NRROS: variants seen among roughly 807,000 people sequenced by gnomAD.
The protein encoded by NRROS is negative regulator of reactive oxygen species.
NRROS carries 6 observed loss-of-function variants against 12.0 expected under a neutral mutation model. That is an observed-to-expected ratio of 0.50 (90% CI 0.27 to 0.98). NRROS has a LOEUF of 0.98. NRROS is among the 50% of genes least tolerant of loss of function. The pLI, the probability that NRROS is intolerant of heterozygous loss-of-function variation, is 0.11. For missense variants in NRROS, 857 were observed against 888.2 expected (o/e 0.96, Z 0.45); for synonymous variants, 462 against 410.2 (o/e 1.13, Z -1.53).
intron 1 of NRROS, among the ~76,000 whole-genome samples, chr3:196,644,197 C>G (rs912625218): frequency 2.0e-5 from 3 of 152,176 alleles, no homozygotes; most frequent in African/African-American, 7.2e-5. Flanking sequence ...CCTCTGACAG[C>G]CCCCGTCTTG....
intron 1 of NRROS, among the ~76,000 whole-genome samples, chr3:196,642,794 G>A (rs1006276533): frequency 2.6e-4 from 40 of 152,258 alleles, no homozygotes; most frequent in African/African-American, 7.0e-4. Flanking sequence ...ACTTTCGGCC[G>A]GGCGCGGTGG....
At chr3:196,658,831 G>C (rs7645195) in intron 2 of NRROS, among the ~76,000 whole-genome samples, 3 of 152,032 alleles carry the variant, frequency 2.0e-5, no homozygotes, top group South Asian at 2.1e-4. Context: ...TTAGCTGGGC[G>C]TGGTGGCATG....
chr3:196,642,801 G>A (rs1737234359), intron 1 of NRROS, among the ~76,000 whole-genome samples: 1 of 152,212 alleles, frequency 6.6e-6, no homozygotes, highest in Non-Finnish European at 1.5e-5. Flanking sequence ...GCCGGGCGCG[G>A]TGGCTCATCC....
At chr3:196,655,861 AT>A (rs1384060237) in intron 2 of NRROS, among the ~76,000 whole-genome samples, 2 of 152,214 alleles carry the variant, frequency 1.3e-5, no homozygotes, top group African/African-American at 2.4e-5. Flanking sequence ...TAACAATGAT[AT>A]CAAAAGTCTG....
chr3:196,654,894 G>A lies in NRROS; in HGVS notation c.108+247G>A, dbSNP rs1478877148. ...CGCCTGCTGAGGATAGGAGGCATCCGAGACCAGCCTAGGGCATCCTCCCGG... is the reference window on the plus strand; with the variant it reads ...CGCCTGCTGAGGATAGGAGGCATCCAAGACCAGCCTAGGGCATCCTCCCGG... On this transcript the variant is annotated intron_variant, in intron 2 of 2. Transcript: ENST00000328557. This position sits in a 1 kb window ranked among gnomAD's most constrained non-coding sequence, Gnocchi z 4.4. 3 of 457,312 alleles carry A rather than the reference G, an allele frequency of 6.6e-6. No homozygotes were observed. The highest frequency in any genetic ancestry group is 3.8e-5 in the Admixed American group (1 of 26,268). 28.3% of individuals were successfully genotyped at this position (457,312 alleles called of 1,614,324 possible).
rs190629595 is a variant in NRROS at position 196,640,260 on chromosome 3, C to T, written c.-14+385C>T. On this transcript the variant is annotated intron_variant, in intron 1 of 2. Coordinates refer to ENST00000328557, the MANE Select transcript of NRROS (RefSeq NM_198565.3). ...AAATGGGAACAGAGATGCTCCCTCC[C>T]TGGGCTGGGCGACTGGATATGATGA... is the stretch of plus-strand genomic sequence containing the variant. Among the ~76,000 whole-genome samples, 271 of 152,314 alleles carry T rather than the reference C, an allele frequency of 1.8e-3. 2 individuals carry two copies. Among genetic ancestry groups the T allele is most frequent in the African/African-American group, 6.2e-3 (259 of 41,566 alleles).
Position 196,654,629 on chromosome 3 carries a change from C to T in NRROS, c.90C>T (p.Ser30=). Residue 30 remains serine (S), a synonymous_variant, in exon 2 of 3, where the codon TCC becomes TCT. Transcript: ENST00000328557. This position sits in a 1 kb window ranked among gnomAD's most constrained non-coding sequence, Gnocchi z 4.4. Reference sequence around the variant, plus strand: ...GAAGCGGAACAGCCACAGCAGCCTCCCAAGGAGTCTGCAAGTTGGTGAGTT... The same window carrying T: ...GAAGCGGAACAGCCACAGCAGCCTCTCAAGGAGTCTGCAAGTTGGTGAGTT... ...RNRSGTATAA[S]QGVCKLVGGA... 6.2e-7 allele frequency: 1 copy of T among 1,612,378 alleles called. No individual in the cohort carries two copies. Among genetic ancestry groups the T allele is most frequent in the Non-Finnish European group, 8.5e-7 (1 of 1,178,566 alleles).
Position 196,654,687 on chromosome 3 carries a change from T to A in NRROS, c.108+40T>A, listed in dbSNP as rs1219918492. On this transcript the variant is annotated intron_variant, in intron 2 of 2. Coordinates refer to ENST00000328557, the MANE Select transcript of NRROS (RefSeq NM_198565.3). The surrounding 1 kb of genome is among the most constrained non-coding windows in gnomAD (Gnocchi z 4.4). ...AACCCTGATCTGTCGGCTGCTCCTG[T>A]CCTGACAAGGCTTGGTCCATTTGGA... 2.4e-6 allele frequency: 3 copies of A among 1,274,110 alleles called. No homozygotes were observed. The highest frequency in any genetic ancestry group is 3.4e-6 in the Non-Finnish European group (3 of 882,790). The allele number at this position is 1,274,110 out of a possible 1,614,324, so 78.9% of individuals were successfully genotyped here.
rs148864806 is a variant in NRROS, at chr3:196,661,403, G to A, written c.1760G>A (p.Arg587Gln). The A allele has an allele frequency of 9.0e-5, 142 of 1,572,340 alleles. No homozygotes were observed. Among genetic ancestry groups the A allele is most frequent in the Non-Finnish European group, 1.1e-4 (124 of 1,156,458 alleles). ...TCTGAGCAGCTCTCGAGAGGTCTGC[G>A]GACCATCTACCTCAGTCAGAATCCA... Reference protein sequence around the residue: ...AVSEQLSRGLRTIYLSQNPYD... With the variant: ...AVSEQLSRGLQTIYLSQNPYD... Residue 587 changes from arginine to glutamine, a missense_variant, in exon 3 of 3, where the codon CGG becomes CAG. Transcript: ENST00000328557.
chr3:196,656,333 A>G (rs940249048), intron 2 of NRROS, among the ~76,000 whole-genome samples: 2 of 152,208 alleles, frequency 1.3e-5, no homozygotes, highest in Non-Finnish European at 2.9e-5. Context: ...GTAGGAACCT[A>G]TAACCACTGT....
rs762144741 is a variant in NRROS, at chr3:196,660,014, C to T, written c.371C>T (p.Thr124Met). ...DNCLSENYEE[T>M]AAALHALPGL... ...TGCCTCTCAGAGAACTACGAAGAGA[C>T]GGCAGCCGCCCTCCACGCCCTGCCG... The change falls in exon 3 of 3, where the codon ACG becomes ATG. Residue 124 changes from threonine (T) to methionine (M), a missense_variant. Physicochemically the swap from Thr to Met is moderately conservative, Grantham distance 81 (BLOSUM62 -1). Coordinates refer to ENST00000328557, the MANE Select transcript of NRROS (RefSeq NM_198565.3). This position sits in a 1 kb window ranked among gnomAD's most constrained non-coding sequence, Gnocchi z 7.7. The T allele has an allele frequency of 1.9e-6, 3 of 1,613,234 alleles. No individual in the cohort carries two copies. Among genetic ancestry groups the T allele is most frequent in the Non-Finnish European group, 2.5e-6 (3 of 1,179,888 alleles).
At chr3:196,653,557 A>G (rs1165382890) in intron 1 of NRROS, among the ~76,000 whole-genome samples, 1 of 152,224 alleles carries the variant, frequency 6.6e-6, no homozygotes, top group African/African-American at 2.4e-5. Flanking sequence ...GGTCTGCAGA[A>G]TGCAGAGCTG....
intron 1 of NRROS, among the ~76,000 whole-genome samples, chr3:196,649,473 TTC>T (rs1469488125): frequency 6.7e-6 from 1 of 149,982 alleles, no homozygotes; most frequent in African/African-American, 2.5e-5. Context: ...AAATATTTGT[TTC>T]TCTCTTTTTT....
At chr3:196,649,529 T>C (rs1286296231) in intron 1 of NRROS, among the ~76,000 whole-genome samples, 3 of 152,162 alleles carry the variant, frequency 2.0e-5, no homozygotes, top group African/African-American at 7.2e-5. Flanking sequence ...TGGAGTGCAG[T>C]GGCGTGATCT....
chr3:196,661,701 C>T lies in NRROS; in HGVS notation c.2058C>T (p.Cys686=), dbSNP rs775875325. 1 of 1,593,624 alleles carries T rather than the reference C, an allele frequency of 6.3e-7. No individual in the cohort carries two copies. The highest frequency in any genetic ancestry group is 8.5e-7 in the Non-Finnish European group (1 of 1,174,462). Residue 686 remains cysteine (C), a synonymous_variant, in exon 3 of 3, where the codon TGC becomes TGT. Transcript: ENST00000328557. ...TGCTTCAGGTCATCAAGAGCCGCTG[C>T]CACTGGTCCTCCGTTTACTGACCTG... is the stretch of plus-strand genomic sequence containing the variant. The part of the protein sequence containing the change: ...KPLLQVIKSR[C]HWSSVY
chr3:196,651,726 A>G (rs1396571926), intron 1 of NRROS, among the ~76,000 whole-genome samples: 1 of 152,208 alleles, frequency 6.6e-6, no homozygotes, highest in East Asian at 1.9e-4. Flanking sequence ...AGATCACAAC[A>G]TTGTACTCCA....
At chr3:196,646,608 T>C (rs1737317701) in intron 1 of NRROS, among the ~76,000 whole-genome samples, 1 of 152,152 alleles carries the variant, frequency 6.6e-6, no homozygotes. Context: ...TTCGTGGCCC[T>C]AAGGAAGTGA....
At position 196,661,115 on chromosome 3, in the gene NRROS, A is replaced by G; in HGVS notation, c.1472A>G (p.Asp491Gly). 6.2e-7 allele frequency: 1 copy of G among 1,613,416 alleles called. No individual in the cohort carries two copies. Among genetic ancestry groups the G allele is most frequent in the Non-Finnish European group, 8.5e-7 (1 of 1,179,710 alleles). ...PFQGTSLTYL[D>G]LSSNWGVLNG... ...CAAGGGACCTCCCTGACCTACTTAG[A>G]CCTCTCAAGCAACTGGGGGGTTCTG... Residue 491 changes from aspartate to glycine, a missense_variant, in exon 3 of 3, where the codon GAC (aspartate) becomes GGC (glycine). By Grantham distance (94) the Asp-to-Gly change is moderately conservative (BLOSUM62 -1). Coordinates refer to ENST00000328557, the MANE Select transcript of NRROS (RefSeq NM_198565.3).
chr3:196,642,530 C>T (rs1737228431), intron 1 of NRROS, among the ~76,000 whole-genome samples: 1 of 152,122 alleles, frequency 6.6e-6, no homozygotes, highest in African/African-American at 2.4e-5. Flanking sequence ...ACAGAAAGAG[C>T]AAGTCTCCTT....
Sources: gnomAD v4.1 joint callset for allele counts (sites outside exome capture counted in the v4.1 genomes callset) on GRCh38, gnomAD v4.1.1 for gene constraint, Gnocchi (gnomAD v3.1) non-coding constraint, MANE v1.5 for transcripts, NCBI Gene and HGNC (gene_info 2026-07-23, HGNC 2026-07-21) for gene names.